Variants in TMTC1 observed in about 807,000 individuals in gnomAD.
The protein encoded by TMTC1 is protein O-mannosyl-transferase TMTC1.
A neutral mutation model predicts 104.8 loss-of-function variants in TMTC1; 73 were observed. That is an observed-to-expected ratio of 0.70 (90% CI 0.58 to 0.85). The LOEUF (loss-of-function observed/expected upper bound fraction) is 0.85, where lower values mean the gene tolerates loss of function less well. Ranked by LOEUF, TMTC1 falls within the 40% of genes least tolerant of loss-of-function variation. The pLI, the probability that TMTC1 is intolerant of heterozygous loss-of-function variation, is 0.00. For synonymous variants in TMTC1, 434 were observed against 428.7 expected (o/e 1.01, Z -0.15); for missense variants, 1,035 against 1,096.1 (o/e 0.94, Z 0.79).
At position 29,611,196 on chromosome 12, in the gene TMTC1, C is replaced by G. The variant is rs184247740; in HGVS notation, c.1129-6897G>C. 2.4e-3 allele frequency among the ~76,000 whole-genome samples: 278 copies of G among 114,254 alleles called. 1 individual carries two copies. The highest frequency in any genetic ancestry group is 9.2e-3 in the Middle Eastern group (2 of 218). The allele number at this position is 114,254 out of a possible 152,430, so 75.0% of individuals were successfully genotyped here. A position where few individuals can be genotyped will look rare whatever the true frequency, so the allele number is the denominator to read the frequency against. On this transcript the variant is annotated intron_variant, in intron 6 of 17. Coordinates refer to ENST00000539277, the MANE Select transcript of TMTC1 (RefSeq NM_001193451.2). The stretch of plus-strand genomic sequence containing the variant: ...GAACTTCTTTTTTTTTTTTTTTTTG[C>G]ACAGAGCCTTTTGTTTGATTTGTTT...
intron 1 of TMTC1, among the ~76,000 whole-genome samples, chr12:29,773,199 G>A (rs10843504): frequency 0.39 from 59,562 of 151,876 alleles, 12,247 homozygotes; most frequent in Admixed American, 0.54. Context: ...ATGTAAGGCC[G>A]TGAGTTCTCA....
chr12:29,644,111 ATGTGTGTG>A (rs371107912), intron 5 of TMTC1, among the ~76,000 whole-genome samples: 11 of 74,436 alleles, frequency 1.5e-4, no homozygotes, highest in South Asian at 3.6e-4. Flanking sequence ...ATAAATATAT[ATGTGTGTG>A]TGTGTGTGTG....
chr12:29,696,151 T>G (rs1941417920), intron 5 of TMTC1, among the ~76,000 whole-genome samples: 1 of 152,120 alleles, frequency 6.6e-6, no homozygotes, highest in Non-Finnish European at 1.5e-5. Flanking sequence ...ATTTCGACAT[T>G]ATAGCCTTCA....
chr12:29,743,515 T>C (rs1942878685), intron 5 of TMTC1, among the ~76,000 whole-genome samples: 1 of 151,910 alleles, frequency 6.6e-6, no homozygotes, highest in Non-Finnish European at 1.5e-5. Context: ...TCTTCAATTT[T>C]TGAAAAAAAA....
intron 6 of TMTC1, among the ~76,000 whole-genome samples, chr12:29,623,575 G>T (rs1490441175): frequency 6.6e-6 from 1 of 152,200 alleles, no homozygotes; most frequent in Non-Finnish European, 1.5e-5. Flanking sequence ...AACACTTTGG[G>T]AGGCCGAGGC....
At chr12:29,656,180 T>C (rs971824782) in intron 5 of TMTC1, among the ~76,000 whole-genome samples, 1 of 151,670 alleles carries the variant, frequency 6.6e-6, no homozygotes, top group Non-Finnish European at 1.5e-5. Flanking sequence ...GACAAAGAAA[T>C]ATGCAAACTG....
intron 5 of TMTC1, chr12:29,661,363 T>A (rs910299277): frequency 1.0e-6 from 1 of 978,116 alleles, no homozygotes; most frequent in Non-Finnish European, 1.2e-6. Flanking sequence ...ACAAAATACC[T>A]CACAGATCTC....
At position 29,713,916 on chromosome 12, in the gene TMTC1, G is replaced by A. The variant is rs541384397; in HGVS notation, c.938+37750C>T. On this transcript the variant is annotated intron_variant, in intron 5 of 17. Transcript: ENST00000539277. Reference sequence around the variant, plus strand: ...TTGGTCATGAGGGTGGGGCCCTCATGAATGGATTAATGCTGCTATAAGCAG... The same window carrying A: ...TTGGTCATGAGGGTGGGGCCCTCATAAATGGATTAATGCTGCTATAAGCAG... Among the ~76,000 whole-genome samples, 3 of 152,244 alleles carry A rather than the reference G, an allele frequency of 2.0e-5. No individual in the cohort carries two copies. In the South Asian group the frequency reaches 6.2e-4, roughly 32 times the overall value.
Position 29,503,231 on chromosome 12 carries a change from G to T in TMTC1, c.*3615C>A, listed in dbSNP as rs1943632424. The T allele has an allele frequency of 6.6e-6, 1 of 152,164 alleles. No homozygotes were observed. The highest frequency in any genetic ancestry group is 2.4e-5 in the African/African-American group (1 of 41,448). 9.4% of individuals were successfully genotyped at this position (152,164 alleles called of 1,614,324 possible). A position where few individuals can be genotyped will look rare whatever the true frequency, so the allele number is the denominator to read the frequency against. Reference sequence around the variant, plus strand: ...AGTGCGACAATTCTCTTTGTTTTGTGATAGGCTTTAAATTAAACAACCCAA... The same window carrying T: ...AGTGCGACAATTCTCTTTGTTTTGTTATAGGCTTTAAATTAAACAACCCAA... On this transcript the variant is annotated 3_prime_UTR_variant, in exon 18 of 18. Coordinates refer to ENST00000539277, the MANE Select transcript of TMTC1 (RefSeq NM_001193451.2).
At chr12:29,655,072 TG>T (rs1167806920) in intron 5 of TMTC1, among the ~76,000 whole-genome samples, 1 of 152,040 alleles carries the variant, frequency 6.6e-6, no homozygotes, top group Non-Finnish European at 1.5e-5. Context: ...TTAGTAGAGA[TG>T]GGGTTTTACC....
chr12:29,717,841 AG>A (rs1271303960), intron 5 of TMTC1, among the ~76,000 whole-genome samples: 2 of 152,330 alleles, frequency 1.3e-5, no homozygotes, highest in African/African-American at 4.8e-5. Flanking sequence ...AATTATTACA[AG>A]TGATTATTAT....
In TMTC1 at chr12:29,503,694, T is replaced by A. The variant is rs1415689719; in HGVS notation, c.*3152A>T. 1.3e-5 allele frequency: 2 copies of A among 152,162 alleles called. No homozygotes were observed. The highest frequency in any genetic ancestry group is 2.9e-5 in the Non-Finnish European group (2 of 68,022). 9.4% of individuals were successfully genotyped at this position (152,162 alleles called of 1,614,324 possible). A position where few individuals can be genotyped will look rare whatever the true frequency, so the allele number is the denominator to read the frequency against. On this transcript the variant is annotated 3_prime_UTR_variant, in exon 18 of 18. Coordinates refer to ENST00000539277, the MANE Select transcript of TMTC1 (RefSeq NM_001193451.2). ...AAATGTTCAGCCAGGCCAAAGCAAC[T>A]CCTGTTTTATCCTCAGCCATCCTTC...
intron 1 of TMTC1, among the ~76,000 whole-genome samples, chr12:29,779,683 T>TA (rs1461206484): frequency 6.6e-6 from 1 of 152,158 alleles, no homozygotes; most frequent in African/African-American, 2.4e-5. Flanking sequence ...TACATTTTAA[T>TA]AAAAAATATG....
intron 2 of TMTC1, among the ~76,000 whole-genome samples, chr12:29,761,452 T>A (rs903310999): frequency 6.6e-6 from 1 of 152,186 alleles, no homozygotes; most frequent in Non-Finnish European, 1.5e-5. Context: ...TTATTCTCCA[T>A]ATTTTTTAAG....
At chr12:29,695,794 TA>T (rs1354921621) in intron 5 of TMTC1, among the ~76,000 whole-genome samples, 3 of 20,570 alleles carry the variant, frequency 1.5e-4, no homozygotes, top group African/African-American at 7.7e-4. Context: ...ACTTCCTTTT[TA>T]TATATATATA....
At chr12:29,518,386 G>A (rs1387355717) in intron 13 of TMTC1, 86 bp downstream of exon 13, 4 of 1,458,500 alleles carry the variant, frequency 2.7e-6, no homozygotes, top group Non-Finnish European at 2.7e-6. Flanking sequence ...TATTCTGAGA[G>A]CACACCTATT....
intron 5 of TMTC1, among the ~76,000 whole-genome samples, chr12:29,668,452 A>ATTTTTT (rs1940369316): frequency 2.0e-4 from 20 of 98,022 alleles, no homozygotes; most frequent in Admixed American, 6.6e-4. Context: ...ATACCAACTT[A>ATTTTTT]TCTTTTTTTT....
intron 9 of TMTC1, among the ~76,000 whole-genome samples, chr12:29,566,025 G>A (rs186399190): frequency 2.0e-5 from 3 of 152,260 alleles, no homozygotes; most frequent in Non-Finnish European, 4.4e-5. Context: ...TTAACAAAAC[G>A]ATAGGTGAGT....
chr12:29,520,909 C>T (rs996819311), intron 11 of TMTC1, 189 bp from the exon 12 acceptor site: 30 of 566,328 alleles, frequency 5.3e-5, no homozygotes, highest in Non-Finnish European at 7.8e-5. Flanking sequence ...GTACAAAATA[C>T]CCAAAATTCA....
Sources: allele counts gnomAD v4.1 joint callset (sites outside exome capture counted in the v4.1 genomes callset), GRCh38; gene constraint gnomAD v4.1.1; transcripts MANE v1.5; gene names NCBI Gene and HGNC (gene_info 2026-07-23, HGNC 2026-07-21).